Variants in ATP8A1 observed in about 807,000 individuals in gnomAD.
ATP8A1 encodes the protein phospholipid-transporting ATPase IA.
A neutral mutation model predicts 177.7 loss-of-function variants in ATP8A1; 90 were observed. That is an observed-to-expected ratio of 0.51 (90% CI 0.43 to 0.60). The LOEUF (loss-of-function observed/expected upper bound fraction) is 0.60, where lower values mean the gene tolerates loss of function less well. Among genes scored for constraint, ATP8A1 ranks in the 20% least tolerant of loss-of-function variants. ATP8A1 has a pLI of 0.00. For synonymous variants in ATP8A1, 493 were observed against 485.9 expected (o/e 1.01, Z -0.19); for missense variants, 1,072 against 1,392.8 (o/e 0.77, Z 3.67).
At chr4:42,520,293 T>C (rs751507421) in intron 22 of ATP8A1, among the ~76,000 whole-genome samples, 36 of 152,244 alleles carry the variant, frequency 2.4e-4, no homozygotes, top group Middle Eastern at 3.4e-3. Flanking sequence ...CTCATGAGGA[T>C]TATAAGGCAA....
At chr4:42,432,133 C>G (rs7654902) in intron 33 of ATP8A1, among the ~76,000 whole-genome samples, 65,016 of 151,874 alleles carry the variant, frequency 0.43, 14,312 homozygotes, top group African/African-American at 0.52. Context: ...TTCTCCTCCA[C>G]TTCCTTTTCT....
At chr4:42,561,439 C>T (rs2153215211) in intron 15 of ATP8A1, 1 of 152,500 alleles carries the variant, frequency 6.6e-6, no homozygotes, top group East Asian at 1.9e-4. Context: ...GCTAGTGACT[C>T]TGGGACCCCT....
At chr4:42,577,231 C>T (rs1459773096) in intron 12 of ATP8A1, among the ~76,000 whole-genome samples, 8 of 152,164 alleles carry the variant, frequency 5.3e-5, no homozygotes, top group Non-Finnish European at 8.8e-5. Context: ...ATGAGTTACC[C>T]TATTATTGCT....
chr4:42,631,160 G>A (rs1560539888), intron 1 of ATP8A1, among the ~76,000 whole-genome samples: 2 of 152,160 alleles, frequency 1.3e-5, no homozygotes, highest in African/African-American at 4.8e-5. Flanking sequence ...TCTACCTTGT[G>A]GTGTAACTGA....
At chr4:42,460,709 C>T (rs866124717) in intron 27 of ATP8A1, among the ~76,000 whole-genome samples, 4 of 152,214 alleles carry the variant, frequency 2.6e-5, no homozygotes, top group Admixed American at 1.3e-4. Context: ...TTTTGACAGA[C>T]GTGTAGAAAC....
At chr4:42,572,725 TTC>T (rs1341565027) in intron 14 of ATP8A1, among the ~76,000 whole-genome samples, 2 of 152,228 alleles carry the variant, frequency 1.3e-5, no homozygotes, top group Admixed American at 6.5e-5. Context: ...ACAAATAAAC[TTC>T]TGTTTATTTC....
intron 25 of ATP8A1, among the ~76,000 whole-genome samples, chr4:42,473,335 T>C (rs10000708): frequency 3.3e-4 from 50 of 151,924 alleles, no homozygotes; most frequent in Non-Finnish European, 5.6e-4. Flanking sequence ...TATATGATAG[T>C]AGTCCCTCTC....
chr4:42,494,757 T>G (rs2153191351), intron 24 of ATP8A1, among the ~76,000 whole-genome samples: 1 of 152,378 alleles, frequency 6.6e-6, no homozygotes, highest in South Asian at 2.1e-4. Context: ...TATAAACTGA[T>G]GTGGCATTTC....
chr4:42,623,409 G>T (rs1259653796), intron 4 of ATP8A1, among the ~76,000 whole-genome samples: 1 of 152,100 alleles, frequency 6.6e-6, no homozygotes, highest in Non-Finnish European at 1.5e-5. Flanking sequence ...GTTCATTTCA[G>T]CCCTATTCAC....
chr4:42,537,011 A>C (rs1727895666), intron 20 of ATP8A1, among the ~76,000 whole-genome samples: 2 of 152,078 alleles, frequency 1.3e-5, no homozygotes, highest in South Asian at 4.1e-4. Flanking sequence ...GCACGCCTGT[A>C]ATCCCAGCTA....
intron 27 of ATP8A1, among the ~76,000 whole-genome samples, chr4:42,458,231 C>T (rs1718703259): frequency 6.6e-6 from 1 of 152,138 alleles, no homozygotes; most frequent in Non-Finnish European, 1.5e-5. Flanking sequence ...CATAAAAGTA[C>T]CTCCTCTAAT....
chr4:42,469,295 G>A lies in ATP8A1; in HGVS notation c.2325-4219C>T, dbSNP rs77330613. ...AACAGGAATAAACATACTAGGGAAC[G>A]AGCCCCACTTACAATGCACCAAGTC... On this transcript the variant is annotated intron_variant, in intron 25 of 36. Coordinates refer to ENST00000381668, the MANE Select transcript of ATP8A1 (RefSeq NM_006095.2). Among the ~76,000 whole-genome samples the A allele has an allele frequency of 5.6e-3, 853 of 152,142 alleles. 9 individuals are homozygous for A. The highest frequency in any genetic ancestry group is 0.019 in the African/African-American group (770 of 41,486).
chr4:42,628,230 T>C lies in ATP8A1; in HGVS notation c.50-1121A>G, dbSNP rs186430124. ...CCACCCACTGATGAAAAAACAACTG[T>C]TGGCCAAGTGCTGGTAACAACTATG... is the stretch of plus-strand genomic sequence containing the variant. On this transcript the variant is annotated intron_variant, in intron 1 of 36. Coordinates refer to ENST00000381668, the MANE Select transcript of ATP8A1 (RefSeq NM_006095.2). Among the ~76,000 whole-genome samples, 287 of 152,290 alleles carry C rather than the reference T, an allele frequency of 1.9e-3. 1 individual carries two copies. The highest frequency in any genetic ancestry group is 6.7e-3 in the African/African-American group (277 of 41,568).
At chr4:42,638,497 T>G (rs959789994) in intron 1 of ATP8A1, among the ~76,000 whole-genome samples, 1 of 152,166 alleles carries the variant, frequency 6.6e-6, no homozygotes, top group African/African-American at 2.4e-5. Context: ...GCGTCACACA[T>G]AGTAAACAGT....
Position 42,448,396 on chromosome 4 carries a change from C to CTTTACTTTTTTTTTTTTTTTTTTT in ATP8A1, c.2897-1753_2897-1752insAAAAAAAAAAAAAAAAAAAGTAAA, listed in dbSNP as rs778022629. ...GTAGCCTCCCTCCCTCCTTCTCTTTCTTTTCTTTTTTTTTTTTTTGAGATG... is the reference window on the plus strand; with the variant it reads ...GTAGCCTCCCTCCCTCCTTCTCTTTCTTTACTTTTTTTTTTTTTTTTTTTTTTTCTTTTTTTTTTTTTTGAGATG... On this transcript the variant is annotated intron_variant, in intron 30 of 36. Coordinates refer to ENST00000381668, the MANE Select transcript of ATP8A1 (RefSeq NM_006095.2). 2.0e-3 allele frequency among the ~76,000 whole-genome samples: 172 copies of CTTTACTTTTTTTTTTTTTTTTTTT among 84,130 alleles called. 42 individuals are homozygous for CTTTACTTTTTTTTTTTTTTTTTTT. Among genetic ancestry groups the CTTTACTTTTTTTTTTTTTTTTTTT allele is most frequent in the Admixed American group, 2.8e-3 (16 of 5,734 alleles). The allele number at this position is 84,130 out of a possible 152,430, so 55.2% of individuals were successfully genotyped here.
In ATP8A1 at chr4:42,488,424, C is replaced by G. The variant is rs150445145; in HGVS notation, c.2152-2756G>C. ...AAAAAAAAAACAACAAACCAAACTT[C>G]AGACAGTACCAGGCGCAGCAAGTTA... On this transcript the variant is annotated intron_variant, in intron 24 of 36. Coordinates refer to ENST00000381668, the MANE Select transcript of ATP8A1 (RefSeq NM_006095.2). Among the ~76,000 whole-genome samples the G allele has an allele frequency of 2.2e-3, 332 of 152,146 alleles. 2 individuals carry two copies. The highest frequency in any genetic ancestry group is 7.8e-3 in the African/African-American group (326 of 41,532).
At chr4:42,454,672 G>T (rs1577964977) in intron 29 of ATP8A1, among the ~76,000 whole-genome samples, 1 of 152,140 alleles carries the variant, frequency 6.6e-6, no homozygotes, top group African/African-American at 2.4e-5. Context: ...GTGTGTGTGT[G>T]TGTGTGTCTG....
At chr4:42,538,695 A>T (rs1015659535) in intron 20 of ATP8A1, among the ~76,000 whole-genome samples, 4 of 152,232 alleles carry the variant, frequency 2.6e-5, no homozygotes, top group African/African-American at 9.6e-5. Flanking sequence ...TGCAAATCAT[A>T]ACCACAATGT....
chr4:42,435,426 C>CAAAAAAAAAAAAAAAAA (rs55945370), intron 33 of ATP8A1, among the ~76,000 whole-genome samples: 65 of 93,878 alleles, frequency 6.9e-4, no homozygotes, highest in South Asian at 1.2e-3. Context: ...GACTTCATCT[C>CAAAAAAAAAAAAAAAAA]AAAAAAAAAA....
Sources: gnomAD v4.1 joint callset for allele counts (sites outside exome capture counted in the v4.1 genomes callset) on GRCh38, gnomAD v4.1.1 for gene constraint, MANE v1.5 for transcripts, NCBI Gene and HGNC (gene_info 2026-07-23, HGNC 2026-07-21) for gene names.